Variants in HTT observed in about 807,000 individuals in gnomAD.
HTT encodes the protein huntington disease protein.
In HTT, 104 loss-of-function variants were observed where a neutral mutation model predicts 362.3. The observed-to-expected ratio is 0.29, with a 90% CI of 0.24 to 0.34. The LOEUF (loss-of-function observed/expected upper bound fraction) is 0.34. Ranked by LOEUF, HTT falls within the 10% of genes least tolerant of loss-of-function variation. The pLI, the probability that HTT is intolerant of heterozygous loss-of-function variation, is 1.00. For synonymous variants in HTT, 1,577 were observed against 1,548.7 expected (o/e 1.02, Z -0.43); for missense variants, 3,301 against 3,928.6 (o/e 0.84, Z 4.27).
rs570456509 is a variant in HTT at position 3,213,230 on chromosome 4, G to T, written c.6774+521G>T. Among the ~76,000 whole-genome samples the T allele has an allele frequency of 3.0e-4, 46 of 152,332 alleles. No individual in the cohort carries two copies. The Middle Eastern group carries it at 0.014, about 45-fold the overall frequency. On this transcript the variant is annotated intron_variant, in intron 49 of 66. Transcript: ENST00000355072. Reference sequence around the variant, plus strand: ...CACCAAAGAAAGGGAGGAGTCCAAAGGGCATCAGTGCCATTACTCACAAAA... The same window carrying T: ...CACCAAAGAAAGGGAGGAGTCCAAATGGCATCAGTGCCATTACTCACAAAA...
chr4:3,178,126 G>A (rs551426442), intron 34 of HTT, among the ~76,000 whole-genome samples, 172 bp from the exon 35 acceptor site: 22 of 152,330 alleles, frequency 1.4e-4, no homozygotes, highest in African/African-American at 5.3e-4. Flanking sequence ...CTCTGCGCGA[G>A]GGCACAGATG....
chr4:3,169,298 G>A (rs768711865), intron 29 of HTT, among the ~76,000 whole-genome samples: 3 of 152,060 alleles, frequency 2.0e-5, no homozygotes, highest in East Asian at 1.9e-4. Flanking sequence ...GATTACAGGC[G>A]TGAGCCACTG....
intron 29 of HTT, among the ~76,000 whole-genome samples, chr4:3,167,739 C>G (rs561382603): frequency 6.6e-6 from 1 of 152,102 alleles, no homozygotes; most frequent in Non-Finnish European, 1.5e-5. Flanking sequence ...TTCTTGAAAT[C>G]AGCCATATGG....
chr4:3,113,241 T>C (rs1714852724), intron 6 of HTT, among the ~76,000 whole-genome samples: 1 of 152,232 alleles, frequency 6.6e-6, no homozygotes, highest in South Asian at 2.1e-4. Context: ...TTATTCTTTA[T>C]TATTCCAAAC....
chr4:3,105,865 G>C (rs1714397126), intron 5 of HTT, among the ~76,000 whole-genome samples: 1 of 152,214 alleles, frequency 6.6e-6, no homozygotes, highest in Non-Finnish European at 1.5e-5. Context: ...TTAAAAATAT[G>C]GTTGTTGCAC....
intron 64 of HTT, among the ~76,000 whole-genome samples, chr4:3,237,262 C>T (rs1006974392): frequency 6.6e-6 from 1 of 152,206 alleles, no homozygotes; most frequent in South Asian, 2.1e-4. Flanking sequence ...TTAGTAGAGA[C>T]GGGGTTTCAC....
At chr4:3,161,604 G>T (rs1054429506) in intron 29 of HTT, among the ~76,000 whole-genome samples, 1 of 152,058 alleles carries the variant, frequency 6.6e-6, no homozygotes, top group African/African-American at 2.4e-5. Flanking sequence ...ACTTTTTAAC[G>T]ATCGCCATCC....
chr4:3,096,178 C>T (rs1412940910), intron 2 of HTT, among the ~76,000 whole-genome samples: 1 of 152,272 alleles, frequency 6.6e-6, no homozygotes, highest in Non-Finnish European at 1.5e-5. Flanking sequence ...ATCAGCCTGG[C>T]ATAGCAAGCT....
intron 29 of HTT, among the ~76,000 whole-genome samples, chr4:3,163,131 A>C (rs377315718): frequency 6.6e-6 from 1 of 152,250 alleles, no homozygotes; most frequent in Non-Finnish European, 1.5e-5. Context: ...AGTTTTTAGC[A>C]TGAAAGGCTG....
At chr4:3,174,649 T>C in intron 31 of HTT, 72 bp from the exon 32 acceptor site, 1 of 1,202,394 alleles carries the variant, frequency 8.3e-7, no homozygotes, top group Non-Finnish European at 1.2e-6. Flanking sequence ...TGAGCAGGAG[T>C]ATATCTGAGT....
At chr4:3,154,566 T>C (rs1237762683) in intron 27 of HTT, 147 bp downstream of exon 27, 3 of 1,112,760 alleles carry the variant, frequency 2.7e-6, no homozygotes, top group Admixed American at 6.0e-5. Flanking sequence ...CGGTTCAAGA[T>C]ATTAGAAACT....
Position 3,206,667 on chromosome 4 carries a change from C to G in HTT, c.5890C>G (p.Leu1964Val). 1 of 1,614,146 alleles carries G rather than the reference C, an allele frequency of 6.2e-7. No homozygotes were observed. Among genetic ancestry groups the G allele is most frequent in the Non-Finnish European group, 8.5e-7 (1 of 1,179,986 alleles). ...GGCAATTCAGTCTCGTTGTGAAAAC[C>G]TTTCAACTGTACGTCTTCATCCTGC... ...IQAIQSRCEN[L>V]STPTMLKKTL... The change falls in exon 43 of 67, where the codon CTT becomes GTT. Residue 1964 changes from leucine to valine, a missense_variant. Transcript: ENST00000355072. This position sits in a 1 kb window ranked among gnomAD's most constrained non-coding sequence, Gnocchi z 4.6.
At chr4:3,173,623 C>G (rs985326930) in intron 31 of HTT, among the ~76,000 whole-genome samples, 2 of 151,938 alleles carry the variant, frequency 1.3e-5, no homozygotes, top group African/African-American at 4.8e-5. Flanking sequence ...GATATATTAC[C>G]TTGTGTTTTG....
intron 11 of HTT, among the ~76,000 whole-genome samples, chr4:3,125,851 AG>A (rs1487319955): frequency 1.3e-5 from 2 of 152,138 alleles, no homozygotes; most frequent in East Asian, 3.8e-4. Flanking sequence ...TCCATGGTTT[AG>A]GCTGTTTTAA....
intron 40 of HTT, among the ~76,000 whole-genome samples, chr4:3,198,198 A>G (rs564369995): frequency 1.7e-5 from 2 of 118,396 alleles, no homozygotes; most frequent in Non-Finnish European, 3.6e-5. Context: ...GGACCCTTTC[A>G]CTTTGGGGAT....
chr4:3,171,798 A>T (rs1209507188), intron 29 of HTT, among the ~76,000 whole-genome samples: 1 of 152,188 alleles, frequency 6.6e-6, no homozygotes, highest in Non-Finnish European at 1.5e-5. Flanking sequence ...CTTGAAAAGG[A>T]CATTGGGTGC....
At chr4:3,152,852 C>T (rs1335272686) in intron 26 of HTT, among the ~76,000 whole-genome samples, 2 of 144,820 alleles carry the variant, frequency 1.4e-5, no homozygotes, top group Non-Finnish European at 3.0e-5. Context: ...TGGGTTTCAA[C>T]ATGTTAGCCA....
In HTT at chr4:3,130,305, C is replaced by T; in HGVS notation, c.1868C>T (p.Ala623Val). 2 of 1,535,768 alleles carry T rather than the reference C, an allele frequency of 1.3e-6. No individual in the cohort carries two copies. Among genetic ancestry groups the T allele is most frequent in the Non-Finnish European group, 1.8e-6 (2 of 1,124,802 alleles). ...AATCTTGATTTCTCTGTTTTTAAAG[C>T]CCTTCAACAGGCACATTTATTGAAA... is the stretch of plus-strand genomic sequence containing the variant. ...ASEAFRNSSM[A>V]LQQAHLLKNM... is the part of the protein sequence containing the mutation. The change falls in exon 14 of 67, where the codon GCC (alanine) becomes GTC (valine). Residue 623 changes from alanine (A) to valine (V), a missense_variant and splice_region_variant. By Grantham distance (64) the Ala-to-Val change is moderately conservative. Around this residue, in one of 4 missense-constraint regions of HTT, gnomAD observed 2,316 missense variants for 2,658.5 expected, o/e 0.87. Transcript: ENST00000355072.
chr4:3,222,612 T>C lies in HTT; in HGVS notation c.7470+125T>C, dbSNP rs189984048. Reference sequence around the variant, plus strand: ...TTCTCTTACCTTATTTTTGAAAGAGTAGCTGAATGGTGTCTTGACTGATAT... The same window carrying C: ...TTCTCTTACCTTATTTTTGAAAGAGCAGCTGAATGGTGTCTTGACTGATAT... On this transcript the variant is annotated intron_variant, in intron 54 of 66. Coordinates refer to ENST00000355072, the MANE Select transcript of HTT (RefSeq NM_001388492.1). 3.5e-4 allele frequency: 237 copies of C among 685,408 alleles called. No individual in the cohort carries two copies. The African/African-American group carries it at 3.8e-3, about 11-fold the overall frequency. The allele number at this position is 685,408 out of a possible 1,614,324, so 42.5% of individuals were successfully genotyped here. A position where few individuals can be genotyped will look rare whatever the true frequency, so the allele number is the denominator to read the frequency against.
Sources: gnomAD v4.1 joint callset for allele counts (sites outside exome capture counted in the v4.1 genomes callset) on GRCh38, gnomAD v4.1.1 for gene constraint, gnomAD v4.1.1 regional missense constraint, Gnocchi (gnomAD v3.1) non-coding constraint, MANE v1.5 for transcripts, NCBI Gene and HGNC (gene_info 2026-07-23, HGNC 2026-07-21) for gene names.